ATF6: variants seen among roughly 807,000 people sequenced by gnomAD.
ATF6 encodes the protein cyclic AMP-dependent transcription factor ATF-6 alpha.
A neutral mutation model predicts 83.6 loss-of-function variants in ATF6; 53 were observed. The observed-to-expected ratio is 0.63, with a 90% CI of 0.51 to 0.80. The LOEUF is 0.80. Ranked by LOEUF, ATF6 falls within the 30% of genes least tolerant of loss-of-function variation. The pLI, the probability that ATF6 is intolerant of heterozygous loss-of-function variation, is 0.00. For missense variants in ATF6, 744 were observed against 797.9 expected, an observed-to-expected ratio of 0.93 and a Z score of 0.81; for synonymous variants, 288 against 285.8, an observed-to-expected ratio of 1.01 and a Z score of -0.08.
At chr1:161,935,642 G>A (rs977882074) in intron 15 of ATF6, among the ~76,000 whole-genome samples, 1 of 152,152 alleles carries the variant, frequency 6.6e-6, no homozygotes, top group East Asian at 1.9e-4. Context: ...TGTAATTGCT[G>A]TTTTCGCCAT....
At chr1:161,943,295 C>G (rs1688687584) in intron 15 of ATF6, among the ~76,000 whole-genome samples, 1 of 152,164 alleles carries the variant, frequency 6.6e-6, no homozygotes. Context: ...AAGCATCTGG[C>G]ATTTCCCCTG....
At chr1:161,893,548 A>T (rs959254734) in intron 14 of ATF6, among the ~76,000 whole-genome samples, 4 of 152,250 alleles carry the variant, frequency 2.6e-5, no homozygotes, top group Admixed American at 2.6e-4. Context: ...GAAAAGCCTG[A>T]GTCTTTCAAA....
intron 7 of ATF6, among the ~76,000 whole-genome samples, chr1:161,807,863 ATCTTTT>A (rs1389405946): frequency 0.011 from 586 of 54,762 alleles, 30 homozygotes; most frequent in African/African-American, 0.046. Flanking sequence ...TTAGTTTGTC[ATCTTTT>A]TTTTTTTTTT....
chr1:161,819,757 A>G lies in ATF6; in HGVS notation c.1034A>G (p.Asn345Ser). 6.2e-7 allele frequency: 1 copy of G among 1,612,878 alleles called. No individual in the cohort carries two copies. The highest frequency in any genetic ancestry group is 1.3e-5 in the African/African-American group (1 of 74,926). ...EARLKAALSENEQLKKENGTL... is the reference protein window; with the variant it reads ...EARLKAALSESEQLKKENGTL... ...AGATTAAAGGCTGCCCTCTCAGAAA[A>G]CGAGCAACTGAAGAAAGAAAATGGA... is the stretch of plus-strand genomic sequence containing the variant. The change falls in exon 8 of 16, where the codon AAC becomes AGC. Residue 345 changes from asparagine to serine, a missense_variant. Coordinates refer to ENST00000367942, the MANE Select transcript of ATF6 (RefSeq NM_007348.4).
chr1:161,904,240 C>T (rs1687842509), intron 14 of ATF6, among the ~76,000 whole-genome samples: 1 of 152,134 alleles, frequency 6.6e-6, no homozygotes, highest in Admixed American at 6.5e-5. Flanking sequence ...CTTGACCAAA[C>T]AATTTAAAAA....
chr1:161,853,434 C>CCCA, intron 12 of ATF6, 111 bp downstream of exon 12: 1 of 769,148 alleles, frequency 1.3e-6, no homozygotes, highest in Non-Finnish European at 2.2e-6. Flanking sequence ...TTAGCCTCTT[C>CCCA]CCACTGTCTC....
intron 10 of ATF6, among the ~76,000 whole-genome samples, chr1:161,847,869 C>A (rs2101820894): frequency 1.3e-5 from 2 of 152,156 alleles, no homozygotes; most frequent in Admixed American, 1.3e-4. Context: ...GTAAGCTTTA[C>A]AAGAATATTA....
intron 7 of ATF6, among the ~76,000 whole-genome samples, chr1:161,812,929 A>C (rs1351309476): frequency 6.6e-6 from 1 of 151,870 alleles, no homozygotes; most frequent in Non-Finnish European, 1.5e-5. Flanking sequence ...CTTATAATTG[A>C]GTTAGGATTC....
intron 15 of ATF6, among the ~76,000 whole-genome samples, chr1:161,932,305 T>C (rs901288857): frequency 2.0e-5 from 3 of 152,198 alleles, no homozygotes; most frequent in Non-Finnish European, 4.4e-5. Context: ...TTCCATCCAC[T>C]ACAATCCCTA....
At chr1:161,813,482 C>G (rs1267866962) in intron 7 of ATF6, among the ~76,000 whole-genome samples, 1 of 152,178 alleles carries the variant, frequency 6.6e-6, no homozygotes, top group African/African-American at 2.4e-5. Flanking sequence ...TTTTTGTACA[C>G]AGTCCACAGT....
intron 2 of ATF6, among the ~76,000 whole-genome samples, chr1:161,779,280 T>C (rs1684584934): frequency 6.6e-6 from 1 of 152,220 alleles, no homozygotes; most frequent in Admixed American, 6.5e-5. Context: ...AAATGTTTCT[T>C]TTAAACTATG....
intron 9 of ATF6, among the ~76,000 whole-genome samples, chr1:161,826,360 A>C (rs1292183126): frequency 2.0e-5 from 3 of 152,218 alleles, no homozygotes; most frequent in Admixed American, 1.3e-4. Flanking sequence ...CAGCTGCTGA[A>C]GTAAAGGTGG....
At chr1:161,783,876 C>A in intron 3 of ATF6, 114 bp from the exon 4 acceptor site, 2 of 709,050 alleles carry the variant, frequency 2.8e-6, no homozygotes, top group South Asian at 1.8e-5. Context: ...ATTTTGGTGA[C>A]CTTAGCTTCC....
chr1:161,811,382 T>G (rs1182413656), intron 7 of ATF6, among the ~76,000 whole-genome samples: 2 of 152,210 alleles, frequency 1.3e-5, no homozygotes, highest in Non-Finnish European at 2.9e-5. Context: ...TAGACTTTTC[T>G]GTGGCTCTTA....
intron 7 of ATF6, among the ~76,000 whole-genome samples, chr1:161,808,316 C>T (rs1214479661): frequency 6.6e-6 from 1 of 152,190 alleles, no homozygotes; most frequent in Non-Finnish European, 1.5e-5. Context: ...TCTAGGGAGA[C>T]AGTCCTTTTA....
chr1:161,957,957 GA>G (rs924436584), intron 15 of ATF6, among the ~76,000 whole-genome samples: 8 of 152,178 alleles, frequency 5.3e-5, no homozygotes, highest in Non-Finnish European at 8.8e-5. Context: ...TATTACTGAT[GA>G]ATAGGAGCTA....
At chr1:161,796,555 A>G (rs1685026054) in intron 6 of ATF6, among the ~76,000 whole-genome samples, 2 of 152,172 alleles carry the variant, frequency 1.3e-5, no homozygotes. Context: ...CAAATAATTT[A>G]TTTCATATAT....
At chr1:161,896,380 A>G (rs888397115) in intron 14 of ATF6, among the ~76,000 whole-genome samples, 3 of 152,228 alleles carry the variant, frequency 2.0e-5, no homozygotes, top group African/African-American at 7.2e-5. Context: ...TACAGGCGTG[A>G]GCCACCATGC....
chr1:161,824,999 C>T (rs1685858351), intron 9 of ATF6, among the ~76,000 whole-genome samples: 2 of 152,202 alleles, frequency 1.3e-5, no homozygotes, highest in African/African-American at 2.4e-5. Flanking sequence ...GGATTTTCTA[C>T]ACTGAGCAAT....
Sources: gnomAD v4.1 joint callset for allele counts (sites outside exome capture counted in the v4.1 genomes callset) on GRCh38, gnomAD v4.1.1 for gene constraint, MANE v1.5 for transcripts, NCBI Gene and HGNC (gene_info 2026-07-23, HGNC 2026-07-21) for gene names.